Variants in ABCF2 observed in about 807,000 individuals in gnomAD.
The protein encoded by ABCF2 is ATP-binding cassette sub-family F member 2.
ABCF2 carries 37 observed loss-of-function variants against 76.9 expected under a neutral mutation model. The observed-to-expected ratio is 0.48, with a 90% CI of 0.37 to 0.63. The LOEUF (loss-of-function observed/expected upper bound fraction) is 0.63. ABCF2 is among the 30% of genes least tolerant of loss of function. The pLI is 0.00. For synonymous variants in ABCF2, 299 were observed against 283.7 expected (o/e 1.05, Z -0.54); for missense variants, 524 against 782.1 (o/e 0.67, Z 3.94).
intron 5 of ABCF2, among the ~76,000 whole-genome samples, chr7:151,223,023 T>A (rs1802303011): frequency 6.6e-6 from 1 of 152,192 alleles, no homozygotes; most frequent in Non-Finnish European, 1.5e-5. Flanking sequence ...AGGGATAGAC[T>A]CTAAAGCTCT....
At chr7:151,224,648 G>C (rs897825594) in intron 3 of ABCF2, 128 bp downstream of exon 3, 43 of 837,812 alleles carry the variant, frequency 5.1e-5, no homozygotes, top group Non-Finnish European at 8.6e-5. Flanking sequence ...CTTTCCCCTG[G>C]ACATAATCTG....
rs1237864756 is a variant in ABCF2 at position 151,213,347 on chromosome 7, T to A, written c.*707A>T. 1.0e-6 allele frequency: 1 copy of A among 985,236 alleles called. No individual in the cohort carries two copies. The highest frequency in any genetic ancestry group is 1.2e-6 in the Non-Finnish European group (1 of 829,894). The allele number at this position is 985,236 out of a possible 1,614,324, so 61.0% of individuals were successfully genotyped here. On this transcript the variant is annotated 3_prime_UTR_variant, in exon 15 of 15. Transcript: ENST00000287844. ...TCACAGGCCTGAGAAAAGGTACAAT[T>A]TCAAATCAGAAGTAAAGGGACAAAG...
At chr7:151,220,725 T>C (rs1001592735) in intron 7 of ABCF2, among the ~76,000 whole-genome samples, 19 of 152,190 alleles carry the variant, frequency 1.2e-4, no homozygotes, top group Middle Eastern at 3.4e-3. Context: ...TGGTGGCTCA[T>C]GCCTGTTATC....
intron 3 of ABCF2, among the ~76,000 whole-genome samples, chr7:151,224,537 A>G (rs1802335585): frequency 6.6e-6 from 1 of 152,214 alleles, no homozygotes; most frequent in Admixed American, 6.5e-5. Context: ...CGGTAAGTAT[A>G]ATGCAAATAT....
Position 151,215,925 on chromosome 7 carries a change from A to G in ABCF2, c.1401+42T>C, listed in dbSNP as rs1164600106. The G allele has an allele frequency of 5.0e-6, 8 of 1,607,444 alleles. No homozygotes were observed. The highest frequency in any genetic ancestry group is 6.8e-6 in the Non-Finnish European group (8 of 1,174,280). On this transcript the variant is annotated intron_variant, in intron 12 of 14. Coordinates refer to ENST00000287844, the MANE Select transcript of ABCF2 (RefSeq NM_007189.3). This position sits in a 1 kb window ranked among gnomAD's most constrained non-coding sequence, Gnocchi z 4.6. The stretch of plus-strand genomic sequence containing the variant: ...ACTCAGCCAGATACAGCCCCTCCCT[A>G]TACCCTGGGCAATTCCCCGGATCCC...
intron 11 of ABCF2, among the ~76,000 whole-genome samples, chr7:151,216,809 T>C (rs1802161024): frequency 6.6e-6 from 1 of 152,142 alleles, no homozygotes; most frequent in African/African-American, 2.4e-5. Flanking sequence ...CCACGGCACC[T>C]GGCCAAAAAA....
rs2150576169 is a variant in ABCF2 at position 151,223,769 on chromosome 7, T to C, written c.631A>G (p.Ile211Val). ...GGTGTGAAACCCAGTCCATGCAAGA[T>C]CCGCGAGGCCCTCATCTCTGCCTTG... ...ADKAEMRASR[I>V]LHGLGFTPAM... is the part of the protein sequence containing the mutation. Residue 211 changes from isoleucine (I) to valine (V), a missense_variant, in exon 5 of 15, where the codon ATC (isoleucine) becomes GTC (valine). Ile to Val is a conservative substitution (Grantham distance 29). Coordinates refer to ENST00000287844, the MANE Select transcript of ABCF2 (RefSeq NM_007189.3). 3 of 1,613,926 alleles carry C rather than the reference T, an allele frequency of 1.9e-6. No homozygotes were observed. The highest frequency in any genetic ancestry group is 2.5e-6 in the Non-Finnish European group (3 of 1,179,932).
intron 11 of ABCF2, 39 bp from the exon 12 acceptor site, chr7:151,216,068 G>A (rs1346367892): frequency 5.1e-6 from 8 of 1,562,512 alleles, no homozygotes; most frequent in Middle Eastern, 1.7e-4. Context: ...ATGAAACAAA[G>A]GAAGCCCAGT....
chr7:151,225,672 T>G (rs1167468351), intron 2 of ABCF2, among the ~76,000 whole-genome samples: 2 of 152,146 alleles, frequency 1.3e-5, no homozygotes, highest in Non-Finnish European at 2.9e-5. Flanking sequence ...CAGAAGGCTG[T>G]TTAGGGAGTT....
intron 1 of ABCF2, 33 bp from the exon 2 acceptor site, chr7:151,226,533 T>G: frequency 2.0e-6 from 3 of 1,477,898 alleles, no homozygotes; most frequent in Non-Finnish European, 2.7e-6. Flanking sequence ...CCCCAAACCC[T>G]AAACTTACTA....
At chr7:151,217,518 G>A (rs1802174513) in intron 11 of ABCF2, among the ~76,000 whole-genome samples, 1 of 152,150 alleles carries the variant, frequency 6.6e-6, no homozygotes, top group South Asian at 2.1e-4. Flanking sequence ...ATAGAAACAT[G>A]GGCCAGACGC....
rs749265112 is a variant in ABCF2 at position 151,212,151 on chromosome 7, G to A, written c.*1903C>T. The A allele has an allele frequency of 2.3e-5, 23 of 985,308 alleles. No homozygotes were observed. Among genetic ancestry groups the A allele is most frequent in the Non-Finnish European group, 2.4e-5 (20 of 829,930 alleles). 61.0% of individuals were successfully genotyped at this position (985,308 alleles called of 1,614,324 possible). On this transcript the variant is annotated 3_prime_UTR_variant, in exon 15 of 15. Coordinates refer to ENST00000287844, the MANE Select transcript of ABCF2 (RefSeq NM_007189.3). ...AGCACCATCTGGGACAGTTGCTCCC[G>A]CCAGTCCTGGCTGTATTATGAGTAC...
chr7:151,221,748 A>C (rs1802272842), intron 6 of ABCF2, 68 bp from the exon 7 acceptor site: 4 of 1,198,976 alleles, frequency 3.3e-6, no homozygotes, highest in Non-Finnish European at 5.0e-6. Context: ...AGGTGAACTG[A>C]AAGTCAGGCC....
At chr7:151,220,528 G>A (rs1318712012) in intron 7 of ABCF2, among the ~76,000 whole-genome samples, 2 of 152,060 alleles carry the variant, frequency 1.3e-5, no homozygotes, top group East Asian at 3.8e-4. Context: ...GACTATGAAT[G>A]AAGAGGACAT....
chr7:151,215,180 C>T lies in ABCF2; in HGVS notation c.1531-98G>A, dbSNP rs886874894. On this transcript the variant is annotated intron_variant, in intron 13 of 14. Coordinates refer to ENST00000287844, the MANE Select transcript of ABCF2 (RefSeq NM_007189.3). The surrounding 1 kb of genome is among the most constrained non-coding windows in gnomAD (Gnocchi z 4.6). The stretch of plus-strand genomic sequence containing the variant: ...TTCTCCCTGACTCCTCCATTAGCAT[C>T]GCCATTTATAAAAAGTGAGGCTCAG... 12 of 1,176,434 alleles carry T rather than the reference C, an allele frequency of 1.0e-5. No homozygotes were observed. The highest frequency in any genetic ancestry group is 9.1e-5 in the African/African-American group (6 of 65,682). 72.9% of individuals were successfully genotyped at this position (1,176,434 alleles called of 1,614,324 possible).
At chr7:151,217,344 A>AC (rs1196452804) in intron 11 of ABCF2, among the ~76,000 whole-genome samples, 1 of 152,154 alleles carries the variant, frequency 6.6e-6, no homozygotes, top group African/African-American at 2.4e-5. Flanking sequence ...ACCAGAGAAA[A>AC]CCCATGTAGA....
At chr7:151,225,312 C>T (rs1174905665) in intron 2 of ABCF2, among the ~76,000 whole-genome samples, 1 of 152,200 alleles carries the variant, frequency 6.6e-6, no homozygotes, top group African/African-American at 2.4e-5. Flanking sequence ...TCTGTTACAA[C>T]TTGCAGACTA....
At chr7:151,217,380 C>G (rs143782036) in intron 11 of ABCF2, among the ~76,000 whole-genome samples, 159 of 152,336 alleles carry the variant, frequency 1.0e-3, no homozygotes, top group African/African-American at 3.6e-3. Flanking sequence ...GCAAACTCCA[C>G]AAAGACAGTG....
At chr7:151,221,211 T>TG (rs199915731) in intron 7 of ABCF2, among the ~76,000 whole-genome samples, 1,950 of 152,026 alleles carry the variant, frequency 0.013, 47 homozygotes, top group African/African-American at 0.045. Context: ...GCTTTTTTTT[T>TG]TTTTTTGAGA....
Sources: allele counts gnomAD v4.1 joint callset (sites outside exome capture counted in the v4.1 genomes callset), GRCh38; gene constraint gnomAD v4.1.1; non-coding constraint Gnocchi (gnomAD v3.1); transcripts MANE v1.5; gene names NCBI Gene and HGNC (gene_info 2026-07-23, HGNC 2026-07-21).